Variants in IQCM observed in about 807,000 individuals in gnomAD.
IQCM encodes IQ domain-containing protein M.
IQCM carries 45 observed loss-of-function variants against 57.6 expected under a neutral mutation model. The ratio of observed to expected loss-of-function variants is 0.78; its 90% CI spans 0.62 to 1.00. The LOEUF (loss-of-function observed/expected upper bound fraction) is 1.00, where lower values mean the gene tolerates loss of function less well. Among genes scored for constraint, IQCM ranks in the 50% least tolerant of loss-of-function variants. The probability of loss-of-function intolerance (pLI) is 0.00; values close to 1 mark genes in which losing one functional copy is unlikely to be tolerated. For missense variants in IQCM, 468 were observed against 511.6 expected, an observed-to-expected ratio of 0.91 and a Z score of 0.82; for synonymous variants, 148 against 158.9, an observed-to-expected ratio of 0.93 and a Z score of 0.51.
intron 13 of IQCM, among the ~76,000 whole-genome samples, chr4:149,356,762 T>G (rs80167952): frequency 0.028 from 4,203 of 152,262 alleles, 81 homozygotes; most frequent in Non-Finnish European, 0.042. Context: ...TTTAAAGTAG[T>G]TTTTTCCAAT....
At chr4:149,648,978 C>T (rs1256252001) in intron 7 of IQCM, among the ~76,000 whole-genome samples, 1 of 152,050 alleles carries the variant, frequency 6.6e-6, no homozygotes, top group East Asian at 1.9e-4. Flanking sequence ...ATATGGTTCA[C>T]ATTTCCTTAT....
At chr4:149,475,385 T>C (rs1266673004) in intron 12 of IQCM, among the ~76,000 whole-genome samples, 2 of 152,122 alleles carry the variant, frequency 1.3e-5, no homozygotes, top group East Asian at 1.9e-4. Flanking sequence ...ATTTGGACTA[T>C]AATCAGGAGT....
rs1761162525 is a variant in IQCM, at chr4:149,670,527, G to A, written c.565+11591C>T. 2.0e-5 allele frequency among the ~76,000 whole-genome samples: 3 copies of A among 152,162 alleles called. No homozygotes were observed. The South Asian group carries it at 6.2e-4, about 32-fold the overall frequency. ...TTCCAACACTACGTTGAATAGGAGT[G>A]GTGAGAGAGGGCATCCTGTCTTGTG... On this transcript the variant is annotated intron_variant, in intron 7 of 13. Transcript: ENST00000636793.
In IQCM at chr4:149,472,813, T is replaced by C. The variant is rs190050343; in HGVS notation, c.1229-39256A>G. Among the ~76,000 whole-genome samples the C allele has an allele frequency of 4.4e-3, 665 of 151,830 alleles. 6 individuals carry two copies. Among genetic ancestry groups the C allele is most frequent in the African/African-American group, 0.015 (619 of 41,442 alleles). On this transcript the variant is annotated intron_variant, in intron 12 of 13. Coordinates refer to ENST00000636793, the MANE Select transcript of IQCM (RefSeq NM_001363507.2). ...AACAGAATAGAGCCCTCAGAAATAA[T>C]ACCACACATCTACAATGATCTGATC...
chr4:149,741,193 T>G (rs931830518), intron 3 of IQCM, among the ~76,000 whole-genome samples: 2 of 152,184 alleles, frequency 1.3e-5, no homozygotes, highest in African/African-American at 4.8e-5. Flanking sequence ...TCTTCAGTTC[T>G]AAATTAAAGG....
intron 3 of IQCM, 73 bp from the exon 4 acceptor site, chr4:149,735,531 A>G (rs1012690297): frequency 6.5e-6 from 4 of 613,808 alleles, no homozygotes; most frequent in African/African-American, 5.6e-5. Context: ...ACATTATAAA[A>G]GGAAGCAAAA....
intron 5 of IQCM, among the ~76,000 whole-genome samples, chr4:149,715,432 T>C (rs1324765780): frequency 6.6e-6 from 1 of 152,166 alleles, no homozygotes; most frequent in Non-Finnish European, 1.5e-5. Context: ...TAGTAACCCC[T>C]GGAATCTTGG....
At position 149,576,429 on chromosome 4, in the gene IQCM, TG is replaced by T. The variant is rs573528479; in HGVS notation, c.749+11500del. On this transcript the variant is annotated intron_variant, in intron 9 of 13. Coordinates refer to ENST00000636793, the MANE Select transcript of IQCM (RefSeq NM_001363507.2). The stretch of plus-strand genomic sequence containing the variant: ...TAGCTTTAAGGGTACAAGTGGTTTT[TG>T]GTTACATGGATGAATTGTATAGTGG... Among the ~76,000 whole-genome samples, 23 of 152,052 alleles carry T rather than the reference TG, an allele frequency of 1.5e-4. No individual in the cohort carries two copies. The South Asian group carries it at 4.8e-3, about 31-fold the overall frequency.
At chr4:149,364,927 G>A in intron 13 of IQCM, among the ~76,000 whole-genome samples, 1 of 151,946 alleles carries the variant, frequency 6.6e-6, no homozygotes, top group Non-Finnish European at 1.5e-5. Context: ...GTTTTGATTG[G>A]AAACTGGAGG....
chr4:149,360,230 T>G (rs573885205), intron 13 of IQCM, among the ~76,000 whole-genome samples: 1 of 152,044 alleles, frequency 6.6e-6, no homozygotes, highest in South Asian at 2.1e-4. Flanking sequence ...TTTGGAAAAA[T>G]GCAATAAAAA....
At chr4:149,713,562 C>T (rs1472848143) in intron 5 of IQCM, among the ~76,000 whole-genome samples, 2 of 152,124 alleles carry the variant, frequency 1.3e-5, no homozygotes, top group African/African-American at 4.8e-5. Context: ...GTCTGTATTT[C>T]ATATTTTCTC....
chr4:149,389,556 T>C (rs1021450544), intron 13 of IQCM, among the ~76,000 whole-genome samples: 10 of 151,718 alleles, frequency 6.6e-5, no homozygotes, highest in Non-Finnish European at 1.3e-4. Flanking sequence ...ATATCCTTTG[T>C]AGGGACATGG....
chr4:149,801,778 G>T (rs1174224402), intron 2 of IQCM, among the ~76,000 whole-genome samples: 1 of 151,904 alleles, frequency 6.6e-6, no homozygotes, highest in Non-Finnish European at 1.5e-5. Flanking sequence ...AGGTGAGGAT[G>T]ATTAATGGGT....
intron 13 of IQCM, among the ~76,000 whole-genome samples, chr4:149,422,865 G>A (rs1410892371): frequency 3.9e-5 from 6 of 151,914 alleles, no homozygotes; most frequent in East Asian, 1.9e-4. Flanking sequence ...TTATAAAATC[G>A]TGGAAGAAAC....
intron 5 of IQCM, among the ~76,000 whole-genome samples, chr4:149,698,034 A>C (rs1310541103): frequency 6.6e-6 from 1 of 152,090 alleles, no homozygotes; most frequent in Non-Finnish European, 1.5e-5. Flanking sequence ...AATGAATTTC[A>C]GATTTGATGT....
rs137971271 is a variant in IQCM, at chr4:149,802,524, C to T, written c.-49+12787G>A. ...TTCCTGTCAAACAACTTGTATTGGC[C>T]CACTTTTTGCTCCCTTTGCCCTTGA... On this transcript the variant is annotated intron_variant, in intron 2 of 13. Transcript: ENST00000636793. Among the ~76,000 whole-genome samples, 644 of 151,926 alleles carry T rather than the reference C, an allele frequency of 4.2e-3. 5 individuals carry two copies. The highest frequency in any genetic ancestry group is 0.012 in the South Asian group (60 of 4,808).
intron 2 of IQCM, among the ~76,000 whole-genome samples, chr4:149,760,351 A>C (rs1769385744): frequency 6.6e-6 from 1 of 152,200 alleles, no homozygotes; most frequent in Non-Finnish European, 1.5e-5. Flanking sequence ...CTGGCATTAC[A>C]AAAAATAAAA....
intron 7 of IQCM, among the ~76,000 whole-genome samples, chr4:149,643,914 T>C (rs1013292000): frequency 6.6e-6 from 1 of 152,228 alleles, no homozygotes; most frequent in African/African-American, 2.4e-5. Flanking sequence ...CATAATTTTA[T>C]ATTAACTGAT....
At chr4:149,607,758 AC>A (rs1360578809) in intron 8 of IQCM, among the ~76,000 whole-genome samples, 1 of 152,042 alleles carries the variant, frequency 6.6e-6, no homozygotes, top group African/African-American at 2.4e-5. Flanking sequence ...TGTGATAGCC[AC>A]AAAACAAAAA....
Sources: gnomAD v4.1 joint callset for allele counts (sites outside exome capture counted in the v4.1 genomes callset) on GRCh38, gnomAD v4.1.1 for gene constraint, MANE v1.5 for transcripts, NCBI Gene and HGNC (gene_info 2026-07-23, HGNC 2026-07-21) for gene names.